The following FTH1 variants were observed in gnomAD, a reference collection of about 807,000 sequenced individuals.
The protein encoded by FTH1 is ferritin heavy chain 1.
In FTH1, 3 loss-of-function variants were observed where a neutral mutation model predicts 21.8. That is an observed-to-expected ratio of 0.14 (90% CI 0.06 to 0.36). The LOEUF (loss-of-function observed/expected upper bound fraction) is 0.36, where lower values mean the gene tolerates loss of function less well. FTH1 is among the 10% of genes least tolerant of loss of function. FTH1 has a pLI of 1.00. For missense variants in FTH1, 147 were observed against 225.8 expected (o/e 0.65, Z 2.24); for synonymous variants, 83 against 90.1 (o/e 0.92, Z 0.45).
At position 61,967,593 on chromosome 11, in the gene FTH1, G is replaced by A. The variant is rs1942490558; in HGVS notation, c.-168C>T. 2 of 682,400 alleles carry A rather than the reference G, an allele frequency of 2.9e-6. No individual in the cohort carries two copies. Among genetic ancestry groups the A allele is most frequent in the Admixed American group, 2.0e-5 (1 of 49,134 alleles). 42.3% of individuals were successfully genotyped at this position (682,400 alleles called of 1,614,324 possible). A position where few individuals can be genotyped will look rare whatever the true frequency, so the allele number is the denominator to read the frequency against. The stretch of plus-strand genomic sequence containing the variant: ...CGCCGGGTTCCGTCCAAGCACTGTT[G>A]AAGCAGGAAACCCCGACGACTCTCG... On this transcript the variant is annotated 5_prime_UTR_variant, in exon 1 of 4. Coordinates refer to ENST00000273550, the MANE Select transcript of FTH1 (RefSeq NM_002032.3).
rs150299199 is a variant in FTH1 at position 61,965,186 on chromosome 11, C to A, written c.262-74G>T. The A allele has an allele frequency of 7.3e-4, 1,174 of 1,600,342 alleles. 1 individual carries two copies. The highest frequency in any genetic ancestry group is 7.5e-4 in the Non-Finnish European group (879 of 1,177,816). ...GCAAGCCCATCATCTCTAACCACCA[C>A]GTTTTGGCAAAAGGGACATTACTAT... On this transcript the variant is annotated intron_variant, in intron 2 of 3. Coordinates refer to ENST00000273550, the MANE Select transcript of FTH1 (RefSeq NM_002032.3).
Position 61,964,865 on chromosome 11 carries a change from G to T in FTH1, c.414C>A (p.Tyr138Ter). The T allele has an allele frequency of 6.2e-7, 1 of 1,604,858 alleles. No individual in the cohort carries two copies. Among genetic ancestry groups the T allele is most frequent in the East Asian group, 2.2e-5 (1 of 44,884 alleles). ...TGATGGCTTTCACCTGCTCATTCAG[G>T]TAATGTGTCTCAATGAAGTCACACA... ...PHLCDFIETH[Y>*]LNEQVKAIKE... Residue 138 changes from tyrosine (Y) to a stop codon, truncating the protein, a stop_gained, in exon 4 of 4, where the codon TAC (tyrosine) becomes TAA (stop). Coordinates refer to ENST00000273550, the MANE Select transcript of FTH1 (RefSeq NM_002032.3). LOFTEE classifies it high-confidence loss of function.
intron 1 of FTH1, 53 bp downstream of exon 1, chr11:61,967,259 G>T (rs960776081): frequency 8.3e-6 from 10 of 1,210,742 alleles, no homozygotes; most frequent in Admixed American, 5.2e-5. Context: ...CCCAGCGCGC[G>T]CCCCGGGAAC....
intron 3 of FTH1, 30 bp from the exon 4 acceptor site, chr11:61,964,921 G>C (rs373899527): frequency 5.6e-5 from 90 of 1,613,146 alleles, no homozygotes; most frequent in Non-Finnish European, 7.5e-5. Context: ...ACAGTTAGTG[G>C]GCAGCTTTCC....
chr11:61,964,890 A>C lies in FTH1; in HGVS notation c.389T>G (p.Leu130Trp). 6.2e-7 allele frequency: 1 copy of C among 1,609,838 alleles called. No individual in the cohort carries two copies. ...KLATDKNDPHLCDFIETHYLN... is the reference protein window; with the variant it reads ...KLATDKNDPHWCDFIETHYLN... ...GTAATGTGTCTCAATGAAGTCACAC[A>C]ACTGCAAAACAATGGGGAAGACAGT... is the stretch of plus-strand genomic sequence containing the variant. The change falls in exon 4 of 4, where the codon TTG becomes TGG. Residue 130 changes from leucine (L) to tryptophan (W), a missense_variant and splice_region_variant. By Grantham distance (61) the Leu-to-Trp change is moderately conservative (BLOSUM62 -2). Transcript: ENST00000273550.
chr11:61,965,137 C>T (rs1255032443), intron 2 of FTH1, 25 bp from the exon 3 acceptor site: 2 of 1,602,564 alleles, frequency 1.2e-6, no homozygotes, highest in Non-Finnish European at 1.7e-6. Context: ...GTTAATGCAT[C>T]TCTACCAACT....
chr11:61,964,990 G>A lies in FTH1; in HGVS notation c.384C>T (p.Pro128=). ...TTCCTGGGGTTCCAATACTCACATGGGGGTCATTTTTGTCAGTGGCCAGTT... is the reference window on the plus strand; with the variant it reads ...TTCCTGGGGTTCCAATACTCACATGAGGGTCATTTTTGTCAGTGGCCAGTT... The part of the protein sequence containing the change: ...LHKLATDKND[P]HLCDFIETHY... The change falls in exon 3 of 4, where the codon CCC becomes CCT. Residue 128 remains proline (P), a synonymous_variant. Transcript: ENST00000273550. 1 of 1,614,084 alleles carries A rather than the reference G, an allele frequency of 6.2e-7. No individual in the cohort carries two copies. Among genetic ancestry groups the A allele is most frequent in the South Asian group, 1.1e-5 (1 of 91,084 alleles).
Position 61,964,820 on chromosome 11 carries a change from C to T in FTH1, c.459G>A (p.Val153=), listed in dbSNP as rs1255671321. 2 of 1,600,618 alleles carry T rather than the reference C, an allele frequency of 1.2e-6. No homozygotes were observed. Among genetic ancestry groups the T allele is most frequent in the African/African-American group, 1.3e-5 (1 of 75,036 alleles). The change falls in exon 4 of 4, where the codon GTG becomes GTA. Residue 153 remains valine, a synonymous_variant. Transcript: ENST00000273550. ...VKAIKELGDH[V]TNLRKMGAPE... is the part of the protein sequence containing the mutation. ...GCGCTCCCATCTTGCGCAAGTTGGT[C>T]ACGTGGTCACCCAATTCTTTGATGG...
Position 61,964,341 on chromosome 11 carries a change from G to C in FTH1, c.*386C>G. The C allele has an allele frequency of 2.2e-6, 2 of 919,198 alleles. No individual in the cohort carries two copies. Among genetic ancestry groups the C allele is most frequent in the Non-Finnish European group, 3.2e-6 (2 of 626,722 alleles). 56.9% of individuals were successfully genotyped at this position (919,198 alleles called of 1,614,324 possible). A position where few individuals can be genotyped will look rare whatever the true frequency, so the allele number is the denominator to read the frequency against. ...CTGTGAAAGCTAGACTGAACCATTG[G>C]AAACATTTAACTCAGACTCTGGATT... On this transcript the variant is annotated 3_prime_UTR_variant, in exon 4 of 4. Transcript: ENST00000273550.
At chr11:61,965,908 G>GT (rs1942447499) in intron 1 of FTH1, among the ~76,000 whole-genome samples, 1 of 152,130 alleles carries the variant, frequency 6.6e-6, no homozygotes, top group South Asian at 2.1e-4. Flanking sequence ...CCCTGCTCCT[G>GT]TATTAACCAT....
In FTH1 at chr11:61,967,505, G is replaced by A. The variant is rs1442058784; in HGVS notation, c.-80C>T. On this transcript the variant is annotated 5_prime_UTR_variant, in exon 1 of 4. Transcript: ENST00000273550. ...GGCGGCGGGGGCCTTGGGGCAGTCC[G>A]AGGGTGCGGTGAAGAGGTGACGGAG... is the stretch of plus-strand genomic sequence containing the variant. The A allele has an allele frequency of 9.0e-6, 8 of 888,444 alleles. No homozygotes were observed. Among genetic ancestry groups the A allele is most frequent in the Non-Finnish European group, 1.4e-5 (8 of 575,448 alleles). 55.0% of individuals were successfully genotyped at this position (888,444 alleles called of 1,614,324 possible). A position where few individuals can be genotyped will look rare whatever the true frequency, so the allele number is the denominator to read the frequency against.
Position 61,965,016 on chromosome 11 carries a change from T to C in FTH1, c.358A>G (p.Lys120Glu). 1 of 1,614,004 alleles carries C rather than the reference T, an allele frequency of 6.2e-7. No homozygotes were observed. The highest frequency in any genetic ancestry group is 1.7e-5 in the Admixed American group (1 of 60,028). The change falls in exon 3 of 4, where the codon AAA becomes GAA. Residue 120 changes from lysine to glutamate, a missense_variant. By Grantham distance (56) the Lys-to-Glu change is moderately conservative (BLOSUM62 1). Transcript: ENST00000273550. ...GGGTCATTTTTGTCAGTGGCCAGTT[T>C]GTGCAGTTCCAGTAGTGACTGATTC... ...NVNQSLLELH[K>E]LATDKNDPHL...
chr11:61,967,300 G>C lies in FTH1; in HGVS notation c.114+12C>G. The C allele has an allele frequency of 1.9e-6, 3 of 1,557,170 alleles. No individual in the cohort carries two copies. Among genetic ancestry groups the C allele is most frequent in the Non-Finnish European group, 2.6e-6 (3 of 1,145,928 alleles). On this transcript the variant is annotated intron_variant, in intron 1 of 3. Transcript: ENST00000273550. Reference sequence around the variant, plus strand: ...CCGGCCCCCGCCACCGCTTAGGCCCGCCCGCGCTCACCATGGACAGGTAAA... The same window carrying C: ...CCGGCCCCCGCCACCGCTTAGGCCCCCCCGCGCTCACCATGGACAGGTAAA...
At position 61,964,781 on chromosome 11, in the gene FTH1, C is replaced by A. The variant is rs1430607286; in HGVS notation, c.498G>T (p.Leu166Phe). The A allele has an allele frequency of 6.3e-7, 1 of 1,599,802 alleles. No homozygotes were observed. Among genetic ancestry groups the A allele is most frequent in the East Asian group, 2.2e-5 (1 of 44,886 alleles). The change falls in exon 4 of 4, where the codon TTG (leucine) becomes TTT (phenylalanine). Residue 166 changes from leucine (L) to phenylalanine (F), a missense_variant. By Grantham distance (22) the Leu-to-Phe change is conservative. Coordinates refer to ENST00000273550, the MANE Select transcript of FTH1 (RefSeq NM_002032.3). Reference protein sequence around the residue: ...LRKMGAPESGLAEYLFDKHTL... With the variant: ...LRKMGAPESGFAEYLFDKHTL... ...TGTGCTTGTCAAAGAGATATTCCGCCAAGCCAGATTCGGGCGCTCCCATCT... is the reference window on the plus strand; with the variant it reads ...TGTGCTTGTCAAAGAGATATTCCGCAAAGCCAGATTCGGGCGCTCCCATCT...
chr11:61,965,232 G>A (rs1307713541), intron 2 of FTH1, 120 bp from the exon 3 acceptor site: 3 of 1,590,614 alleles, frequency 1.9e-6, no homozygotes, highest in Non-Finnish European at 2.6e-6. Context: ...TAGTTTAGAT[G>A]GTAAGCCTAA....
chr11:61,964,709 G>C lies in FTH1; in HGVS notation c.*18C>G. On this transcript the variant is annotated 3_prime_UTR_variant, in exon 4 of 4. Coordinates refer to ENST00000273550, the MANE Select transcript of FTH1 (RefSeq NM_002032.3). ...CCAGGGAAGTCACCCCACGGCTATG[G>C]GGAAATTAGCCCGAGGCTTAGCTTT... 4 of 1,597,744 alleles carry C rather than the reference G, an allele frequency of 2.5e-6. No individual in the cohort carries two copies. The highest frequency in any genetic ancestry group is 3.4e-6 in the Non-Finnish European group (4 of 1,179,812).
chr11:61,965,592 G>A, intron 1 of FTH1, 77 bp from the exon 2 acceptor site: 1 of 1,522,422 alleles, frequency 6.6e-7, no homozygotes. Context: ...AGGGAGGCAA[G>A]ATGGTCTCGT....
chr11:61,964,410 C>CTA lies in FTH1; in HGVS notation c.*316_*317insTA. On this transcript the variant is annotated 3_prime_UTR_variant, in exon 4 of 4. Transcript: ENST00000273550. ...GTTCTATCTGAATCCAAGACAGCCACACCTTAGTATACTGCCCAAACTAAT... is the reference window on the plus strand; with the variant it reads ...GTTCTATCTGAATCCAAGACAGCCACTAACCTTAGTATACTGCCCAAACTAAT... 1 of 631,772 alleles carries CTA rather than the reference C, an allele frequency of 1.6e-6. No individual in the cohort carries two copies. The highest frequency in any genetic ancestry group is 2.7e-6 in the Non-Finnish European group (1 of 368,690). The allele number at this position is 631,772 out of a possible 1,614,324, so 39.1% of individuals were successfully genotyped here. A position where few individuals can be genotyped will look rare whatever the true frequency, so the allele number is the denominator to read the frequency against.
Position 61,964,724 on chromosome 11 carries a change from G to C in FTH1, c.*3C>G. 1 of 1,598,094 alleles carries C rather than the reference G, an allele frequency of 6.3e-7. No homozygotes were observed. Among genetic ancestry groups the C allele is most frequent in the Non-Finnish European group, 8.5e-7 (1 of 1,179,902 alleles). On this transcript the variant is annotated 3_prime_UTR_variant, in exon 4 of 4. Coordinates refer to ENST00000273550, the MANE Select transcript of FTH1 (RefSeq NM_002032.3). ...CACGGCTATGGGGAAATTAGCCCGAGGCTTAGCTTTCATTATCACTGTCTC... is the reference window on the plus strand; with the variant it reads ...CACGGCTATGGGGAAATTAGCCCGACGCTTAGCTTTCATTATCACTGTCTC...
Sources: gnomAD v4.1 joint callset for allele counts (sites outside exome capture counted in the v4.1 genomes callset) on GRCh38, gnomAD v4.1.1 for gene constraint, MANE v1.5 for transcripts, NCBI Gene and HGNC (gene_info 2026-07-23, HGNC 2026-07-21) for gene names.